Variants in ERBB4 observed in about 807,000 individuals in gnomAD.
ERBB4 encodes erb-b2 receptor tyrosine kinase 4, also known as receptor tyrosine-protein kinase erbB-4.
Under a neutral mutation model 158.0 loss-of-function variants are expected in ERBB4, and 42 were observed. The ratio of observed to expected loss-of-function variants is 0.27; its 90% CI spans 0.21 to 0.34. The LOEUF is 0.34. Ranked by LOEUF, ERBB4 falls within the 10% of genes least tolerant of loss-of-function variation. The pLI is 1.00. For missense variants in ERBB4, 1,333 were observed against 1,624.1 expected (o/e 0.82, Z 3.08); for synonymous variants, 583 against 558.7 (o/e 1.04, Z -0.61).
intron 1 of ERBB4, among the ~76,000 whole-genome samples, chr2:212,518,000 A>T (rs1301085526): frequency 1.3e-5 from 2 of 152,074 alleles, no homozygotes; most frequent in African/African-American, 4.8e-5. Context: ...AAAATACATT[A>T]TTCTAATATA....
At chr2:212,042,019 G>T (rs1192954028) in intron 2 of ERBB4, among the ~76,000 whole-genome samples, 1 of 151,980 alleles carries the variant, frequency 6.6e-6, no homozygotes, top group Non-Finnish European at 1.5e-5. Flanking sequence ...TTGCCAAGAG[G>T]TTGCTTCCAC....
chr2:211,654,798 T>A lies in ERBB4; in HGVS notation c.1946+2956A>T, dbSNP rs144299404. ...CAAGAACCCCTGCTTTTTACCTATA[T>A]TGTGGGCTACAGGTGATTCTTCTTA... On this transcript the variant is annotated intron_variant, in intron 16 of 27. Coordinates refer to ENST00000342788, the MANE Select transcript of ERBB4 (RefSeq NM_005235.3). 5.0e-4 allele frequency among the ~76,000 whole-genome samples: 76 copies of A among 152,276 alleles called. No individual in the cohort carries two copies. The East Asian group carries it at 0.013, about 25-fold the overall frequency.
intron 2 of ERBB4, among the ~76,000 whole-genome samples, chr2:212,056,327 G>A (rs985215759): frequency 2.0e-5 from 3 of 152,312 alleles, no homozygotes; most frequent in East Asian, 1.9e-4. Flanking sequence ...GTGACGGGGA[G>A]AATGGAACCA....
At chr2:211,596,268 C>T (rs1469617890) in intron 19 of ERBB4, among the ~76,000 whole-genome samples, 1 of 151,792 alleles carries the variant, frequency 6.6e-6, no homozygotes, top group African/African-American at 2.4e-5. Flanking sequence ...CATACTTGCT[C>T]TGACAAATAT....
chr2:211,642,136 C>T (rs979331983), intron 16 of ERBB4, among the ~76,000 whole-genome samples: 4 of 152,146 alleles, frequency 2.6e-5, no homozygotes, highest in Middle Eastern at 3.4e-3. Context: ...ATCTCTTAAA[C>T]AGTTTGTCTA....
intron 20 of ERBB4, among the ~76,000 whole-genome samples, chr2:211,559,202 T>C (rs1200359647): frequency 6.6e-6 from 1 of 152,160 alleles, no homozygotes; most frequent in African/African-American, 2.4e-5. Context: ...CAAATATATC[T>C]TAATTCCATC....
At chr2:212,393,404 G>T (rs2090935385) in intron 1 of ERBB4, among the ~76,000 whole-genome samples, 1 of 151,860 alleles carries the variant, frequency 6.6e-6, no homozygotes. Flanking sequence ...ATTCTTTGCT[G>T]GCAAATAGGT....
intron 16 of ERBB4, among the ~76,000 whole-genome samples, chr2:211,651,819 A>G (rs2071000075): frequency 6.6e-6 from 1 of 152,150 alleles, no homozygotes; most frequent in Admixed American, 6.5e-5. Flanking sequence ...ACCTGAATGA[A>G]CTTGGTAGTG....
At chr2:212,515,801 C>T (rs1435129368) in intron 1 of ERBB4, among the ~76,000 whole-genome samples, 1 of 151,930 alleles carries the variant, frequency 6.6e-6, no homozygotes, top group Non-Finnish European at 1.5e-5. Context: ...ATACCAAAAG[C>T]TTAAATTCTT....
rs769707072 is a variant in ERBB4, at chr2:211,560,262, C to CTTTTTTTTTTTTTTTTTTTTT, written c.2487+1620_2487+1640dup. ...CAGCACTAACAAATTTGAAGCTTAG[C>CTTTTTTTTTTTTTTTTTTTTT]TTTTTTTTTTTTTTTTTTTTTTTTT... On this transcript the variant is annotated intron_variant, in intron 20 of 27. Transcript: ENST00000342788. 2.8e-4 allele frequency among the ~76,000 whole-genome samples: 13 copies of CTTTTTTTTTTTTTTTTTTTTT among 46,312 alleles called. 4 individuals are homozygous for CTTTTTTTTTTTTTTTTTTTTT. The highest frequency in any genetic ancestry group is 8.6e-4 in the African/African-American group (9 of 10,454). The allele number at this position is 46,312 out of a possible 152,430, so 30.4% of individuals were successfully genotyped here.
intron 2 of ERBB4, among the ~76,000 whole-genome samples, chr2:212,017,782 A>G (rs1490629232): frequency 6.6e-6 from 1 of 152,152 alleles, no homozygotes; most frequent in Non-Finnish European, 1.5e-5. Context: ...AGCTTGCCCA[A>G]ATAGATGGTT....
At chr2:212,252,789 C>T (rs751853298) in intron 1 of ERBB4, among the ~76,000 whole-genome samples, 6 of 152,068 alleles carry the variant, frequency 3.9e-5, no homozygotes, top group Non-Finnish European at 7.4e-5. Flanking sequence ...GTCACAGATG[C>T]TATCACTTAC....
intron 5 of ERBB4, among the ~76,000 whole-genome samples, chr2:211,747,514 G>C (rs2106201083): frequency 6.6e-6 from 1 of 152,236 alleles, no homozygotes; most frequent in South Asian, 2.1e-4. Flanking sequence ...TTTCGGAGAA[G>C]GCCACGTGTC....
chr2:211,599,110 C>G (rs1381021166), intron 19 of ERBB4, among the ~76,000 whole-genome samples: 2 of 152,184 alleles, frequency 1.3e-5, no homozygotes, highest in Non-Finnish European at 2.9e-5. Flanking sequence ...AGAATAATCT[C>G]TTGAGCAGTC....
chr2:212,281,170 CTCT>C lies in ERBB4; in HGVS notation c.83-156270_83-156268del, dbSNP rs1209565636. 2.6e-5 allele frequency among the ~76,000 whole-genome samples: 4 copies of C among 151,712 alleles called. No homozygotes were observed. In the East Asian group the frequency reaches 7.8e-4, roughly 29 times the overall value. ...TGAAACCGTCACAGATCTCAATTTG[CTCT>C]TCTATTATCATTAGTCTACTAATTT... is the stretch of plus-strand genomic sequence containing the variant. On this transcript the variant is annotated intron_variant, in intron 1 of 27. Coordinates refer to ENST00000342788, the MANE Select transcript of ERBB4 (RefSeq NM_005235.3).
chr2:211,571,037 TCTTC>T (rs1399148659), intron 19 of ERBB4, among the ~76,000 whole-genome samples: 1 of 63,278 alleles, frequency 1.6e-5, no homozygotes, highest in Non-Finnish European at 2.9e-5. Context: ...TGAGTACTCT[TCTTC>T]TTTTTTTTTT....
chr2:212,336,097 G>A (rs891976735), intron 1 of ERBB4, among the ~76,000 whole-genome samples: 5 of 151,800 alleles, frequency 3.3e-5, no homozygotes, highest in Admixed American at 2.6e-4. Flanking sequence ...CATGGCGGAG[G>A]GTCGTATTAA....
intron 2 of ERBB4, among the ~76,000 whole-genome samples, chr2:212,034,445 T>G (rs2076969518): frequency 6.6e-6 from 1 of 152,096 alleles, no homozygotes; most frequent in Non-Finnish European, 1.5e-5. Flanking sequence ...GTGGTTATGA[T>G]TCCCAGCTAA....
chr2:211,507,754 C>T (rs2065786451), intron 20 of ERBB4, among the ~76,000 whole-genome samples: 1 of 152,036 alleles, frequency 6.6e-6, no homozygotes, highest in African/African-American at 2.4e-5. Context: ...CTACAGTAAC[C>T]AAAACAGCAT....
Sources: allele counts gnomAD v4.1 joint callset (sites outside exome capture counted in the v4.1 genomes callset), GRCh38; gene constraint gnomAD v4.1.1; transcripts MANE v1.5; gene names NCBI Gene and HGNC (gene_info 2026-07-23, HGNC 2026-07-21).